WDR72: variants seen among roughly 807,000 people sequenced by gnomAD.
WDR72 encodes WD repeat domain 72.
A neutral mutation model predicts 124.2 loss-of-function variants in WDR72; 120 were observed. That is an observed-to-expected ratio of 0.97 (90% CI 0.83 to 1.12). WDR72 has a LOEUF of 1.12. WDR72 is among the 50% of genes most tolerant of loss of function. The probability of loss-of-function intolerance (pLI) is 0.00; values close to 1 mark genes in which losing one functional copy is unlikely to be tolerated. For synonymous variants in WDR72, 452 were observed against 441.7 expected, an observed-to-expected ratio of 1.02 and a Z score of -0.29; for missense variants, 1,387 against 1,278.8, an observed-to-expected ratio of 1.08 and a Z score of -1.29.
chr15:53,540,535 T>C (rs1317869682), intron 18 of WDR72, among the ~76,000 whole-genome samples: 1 of 100,584 alleles, frequency 9.9e-6, no homozygotes, highest in South Asian at 2.9e-4. Flanking sequence ...ATTGTAATAA[T>C]GAAGACATAA....
intron 14 of WDR72, among the ~76,000 whole-genome samples, chr15:53,627,082 T>TGA (rs112457466): frequency 6.6e-6 from 1 of 152,078 alleles, no homozygotes; most frequent in Non-Finnish European, 1.5e-5. Context: ...TAAGGAAAAA[T>TGA]GAGAGAGAGA....
At position 53,722,826 on chromosome 15, in the gene WDR72, T is replaced by A; in HGVS notation, c.236A>T (p.Tyr79Phe). ...ARARDFSKQPYIVSAAENGEM... is the reference protein window; with the variant it reads ...ARARDFSKQPFIVSAAENGEM... ...CCCATTTTCAGCAGCACTAACAATG[T>A]AGGGCTGTTTAGAGAAGTCCCTTGC... The change falls in exon 3 of 20, where the codon TAC (tyrosine) becomes TTC (phenylalanine). Residue 79 changes from tyrosine to phenylalanine, a missense_variant. Tyr to Phe is a conservative substitution (Grantham distance 22). Transcript: ENST00000360509. 2 of 1,614,130 alleles carry A rather than the reference T, an allele frequency of 1.2e-6. No individual in the cohort carries two copies. Among genetic ancestry groups the A allele is most frequent in the Non-Finnish European group, 1.7e-6 (2 of 1,180,000 alleles).
At chr15:53,591,147 G>C (rs1462363420) in intron 18 of WDR72, among the ~76,000 whole-genome samples, 1 of 151,938 alleles carries the variant, frequency 6.6e-6, no homozygotes, top group Non-Finnish European at 1.5e-5. Context: ...CTTGGAAGAA[G>C]CCTTCTTGAG....
intron 18 of WDR72, among the ~76,000 whole-genome samples, chr15:53,558,655 A>G (rs1223754233): frequency 6.6e-6 from 1 of 152,030 alleles, no homozygotes; most frequent in Admixed American, 6.6e-5. Context: ...TAAATTCAAA[A>G]AGTTAAAGTC....
At chr15:53,672,131 C>T (rs2016013501) in intron 13 of WDR72, among the ~76,000 whole-genome samples, 1 of 152,098 alleles carries the variant, frequency 6.6e-6, no homozygotes, top group Admixed American at 6.5e-5. Context: ...ATTAACTTTA[C>T]TTCTACTGCT....
intron 1 of WDR72, among the ~76,000 whole-genome samples, chr15:53,747,416 C>G (rs545862771): frequency 1.6e-4 from 24 of 152,244 alleles, no homozygotes; most frequent in African/African-American, 5.8e-4. Flanking sequence ...TAATTAACTG[C>G]TACTTAGTAA....
intron 18 of WDR72, among the ~76,000 whole-genome samples, chr15:53,570,710 G>C (rs1006555665): frequency 6.6e-6 from 1 of 151,976 alleles, no homozygotes; most frequent in Non-Finnish European, 1.5e-5. Flanking sequence ...ATTATCATTC[G>C]ATCCATCAAA....
At chr15:53,761,723 G>T (rs1047332137), upstream of WDR72, among the ~76,000 whole-genome samples, 3 of 152,122 alleles carry the variant, frequency 2.0e-5, no homozygotes, top group African/African-American at 4.8e-5. Flanking sequence ...AGTTCCTCTG[G>T]AGGTTGAGTC....
In WDR72 at chr15:53,515,053, G is replaced by GTATATATATATACACACATATATA. The variant is rs1223014584; in HGVS notation, c.*2645_*2646insTATATATGTGTGTATATATATATA. On this transcript the variant is annotated 3_prime_UTR_variant, in exon 20 of 20. Coordinates refer to ENST00000360509, the MANE Select transcript of WDR72 (RefSeq NM_182758.4). ...CACATATATATGTGTATATATATGT[G>GTATATATATATACACACATATATA]TGTATATATATACACACATATATAT... is the stretch of plus-strand genomic sequence containing the variant. 7.2e-6 allele frequency: 1 copy of GTATATATATATACACACATATATA among 138,148 alleles called. No homozygotes were observed. Among genetic ancestry groups the GTATATATATATACACACATATATA allele is most frequent in the Non-Finnish European group, 1.6e-5 (1 of 63,876 alleles). The allele number at this position is 138,148 out of a possible 1,614,324, so 8.6% of individuals were successfully genotyped here.
rs1210286601 is a variant in WDR72, at chr15:53,716,732, T to C, written c.261-47A>G. The C allele has an allele frequency of 5.6e-6, 8 of 1,419,726 alleles. No individual in the cohort carries two copies. In the Admixed American group the frequency reaches 1.2e-4, roughly 21 times the overall value. 87.9% of individuals were successfully genotyped at this position (1,419,726 alleles called of 1,614,324 possible). A position where few individuals can be genotyped will look rare whatever the true frequency, so the allele number is the denominator to read the frequency against. On this transcript the variant is annotated intron_variant, in intron 3 of 19. Transcript: ENST00000360509. ...TTATTCTCTGTCATTTCCACTCAAT[T>C]GGCTGGAATAATTTTTGTGCCACCA...
intron 17 of WDR72, among the ~76,000 whole-genome samples, chr15:53,608,059 T>C (rs1012911439): frequency 1.3e-5 from 2 of 152,136 alleles, no homozygotes; most frequent in Admixed American, 1.3e-4. Flanking sequence ...GGTGGAAATG[T>C]AAATGAGTAC....
At chr15:53,580,437 T>C (rs2011854750) in intron 18 of WDR72, among the ~76,000 whole-genome samples, 1 of 152,050 alleles carries the variant, frequency 6.6e-6, no homozygotes, top group Admixed American at 6.6e-5. Context: ...CTAGGAAATC[T>C]CATCATGATC....
At chr15:53,558,391 G>A (rs1011483299) in intron 18 of WDR72, among the ~76,000 whole-genome samples, 3 of 151,960 alleles carry the variant, frequency 2.0e-5, no homozygotes, top group Non-Finnish European at 4.4e-5. Context: ...AAGTAGCCCT[G>A]ATGTTTACAA....
At chr15:53,617,456 T>C (rs1215018959) in intron 14 of WDR72, among the ~76,000 whole-genome samples, 1 of 151,636 alleles carries the variant, frequency 6.6e-6, no homozygotes, top group Non-Finnish European at 1.5e-5. Context: ...TGATGATATA[T>C]TTAATTTTCA....
intron 18 of WDR72, among the ~76,000 whole-genome samples, chr15:53,591,813 T>A (rs938085085): frequency 1.3e-5 from 2 of 152,034 alleles, no homozygotes; most frequent in African/African-American, 4.8e-5. Context: ...ATTCTTATTG[T>A]CTTTAAACCA....
At chr15:53,521,474 A>G (rs1891790934) in intron 19 of WDR72, among the ~76,000 whole-genome samples, 1 of 152,156 alleles carries the variant, frequency 6.6e-6, no homozygotes, top group Non-Finnish European at 1.5e-5. Context: ...AAAAAGCCAG[A>G]GTAATTCATT....
intron 18 of WDR72, among the ~76,000 whole-genome samples, chr15:53,571,662 T>C (rs1595767010): frequency 6.6e-6 from 1 of 152,186 alleles, no homozygotes; most frequent in East Asian, 1.9e-4. Context: ...TTGTGAACAA[T>C]GCTGCAACAA....
At chr15:53,613,644 T>C (rs750800620) in intron 16 of WDR72, 22 bp downstream of exon 16, 2 of 1,541,316 alleles carry the variant, frequency 1.3e-6, no homozygotes, top group Non-Finnish European at 1.8e-6. Context: ...TCAGATCATA[T>C]CTGTGCCAGT....
intron 14 of WDR72, among the ~76,000 whole-genome samples, chr15:53,617,431 G>A (rs2013812747): frequency 6.6e-6 from 1 of 151,366 alleles, no homozygotes; most frequent in Admixed American, 6.6e-5. Context: ...TTGGTTTTCT[G>A]AAATTTTTTT....
Sources: gnomAD v4.1 joint callset for allele counts (sites outside exome capture counted in the v4.1 genomes callset) on GRCh38, gnomAD v4.1.1 for gene constraint, MANE v1.5 for transcripts, NCBI Gene and HGNC (gene_info 2026-07-23, HGNC 2026-07-21) for gene names.